MAST4: variants seen among roughly 807,000 people sequenced by gnomAD.
MAST4 encodes the protein microtubule associated serine/threonine kinase family member 4.
In MAST4, 89 loss-of-function variants were observed where a neutral mutation model predicts 162.7. That is an observed-to-expected ratio of 0.55 (90% CI 0.46 to 0.65). The LOEUF is 0.65. Ranked by LOEUF, MAST4 falls within the 30% of genes least tolerant of loss-of-function variation. MAST4 has a pLI of 0.00. For synonymous variants in MAST4, 1,479 were observed against 1,361.1 expected, an observed-to-expected ratio of 1.09 and a Z score of -1.91; for missense variants, 3,153 against 3,374.0, an observed-to-expected ratio of 0.93 and a Z score of 1.62.
chr5:67,068,696 G>C (rs1760541350), intron 5 of MAST4, among the ~76,000 whole-genome samples: 1 of 152,072 alleles, frequency 6.6e-6, no homozygotes, highest in Non-Finnish European at 1.5e-5. Flanking sequence ...AAGAAATACA[G>C]GCATTTTTTT....
intron 1 of MAST4, among the ~76,000 whole-genome samples, chr5:66,694,452 A>G (rs4699885): frequency 0.11 from 16,852 of 151,838 alleles, 1,022 homozygotes; most frequent in Admixed American, 0.16. Context: ...TCCTCTAATG[A>G]TCAGTGATGT....
chr5:66,664,400 A>C (rs1580138734), intron 1 of MAST4, among the ~76,000 whole-genome samples: 2 of 143,794 alleles, frequency 1.4e-5, no homozygotes, highest in Non-Finnish European at 3.0e-5. Context: ...GCACCATTGC[A>C]CTCCAGCCTG....
At position 67,163,206 on chromosome 5, in the gene MAST4, T is replaced by C. The variant is rs761845172; in HGVS notation, c.4027T>C (p.Ser1343Pro). 3.1e-6 allele frequency: 5 copies of C among 1,613,610 alleles called. No homozygotes were observed. The highest frequency in any genetic ancestry group is 1.1e-5 in the South Asian group (1 of 91,046). The change falls in exon 29 of 29, where the codon TCC (serine) becomes CCC (proline). Residue 1343 changes from serine (S) to proline (P), a missense_variant. Coordinates refer to ENST00000403625, the MANE Select transcript of MAST4 (RefSeq NM_001164664.2). The surrounding 1 kb of genome is among the most constrained non-coding windows in gnomAD (Gnocchi z 7.0). ...SSSAPNSPAG[S>P]GHIRPSTLHG... Reference sequence around the variant, plus strand: ...TAGTGCCCCCAATTCCCCAGCAGGGTCCGGGCACATCCGGCCCAGCACTCT... The same window carrying C: ...TAGTGCCCCCAATTCCCCAGCAGGGCCCGGGCACATCCGGCCCAGCACTCT...
At chr5:66,813,519 G>A (rs922708372) in intron 3 of MAST4, among the ~76,000 whole-genome samples, 2 of 152,140 alleles carry the variant, frequency 1.3e-5, no homozygotes, top group Non-Finnish European at 2.9e-5. Flanking sequence ...TGTACTTTTC[G>A]GCCATCTCTG....
chr5:66,959,869 T>A (rs905182847), intron 4 of MAST4, among the ~76,000 whole-genome samples: 4 of 152,130 alleles, frequency 2.6e-5, no homozygotes, highest in African/African-American at 9.7e-5. Context: ...CTGTTTTTTT[T>A]TTTAACCCAT....
intron 3 of MAST4, among the ~76,000 whole-genome samples, chr5:66,807,439 T>A (rs923828434): frequency 1.3e-5 from 2 of 150,046 alleles, no homozygotes; most frequent in African/African-American, 4.9e-5. Flanking sequence ...GAGCTTGCAG[T>A]GAGCTGAGAT....
At chr5:66,942,743 G>T (rs1313938878) in intron 4 of MAST4, among the ~76,000 whole-genome samples, 1 of 152,132 alleles carries the variant, frequency 6.6e-6, no homozygotes, top group Admixed American at 6.6e-5. Flanking sequence ...TTGAATAAGG[G>T]TAGTTATGTC....
At chr5:66,658,213 T>C (rs893426399) in intron 1 of MAST4, among the ~76,000 whole-genome samples, 2 of 152,208 alleles carry the variant, frequency 1.3e-5, no homozygotes, top group African/African-American at 4.8e-5. Context: ...AAAATTTGCA[T>C]CATAAAAATA....
At chr5:66,709,843 G>A (rs768675995) in intron 1 of MAST4, among the ~76,000 whole-genome samples, 6 of 152,252 alleles carry the variant, frequency 3.9e-5, no homozygotes, top group South Asian at 4.1e-4. Context: ...TGGCACCTGT[G>A]GATATTAGGG....
At chr5:66,939,289 A>C (rs1469652851) in intron 4 of MAST4, among the ~76,000 whole-genome samples, 1 of 152,194 alleles carries the variant, frequency 6.6e-6, no homozygotes, top group African/African-American at 2.4e-5. Context: ...CAGGATTAGT[A>C]AACTGGAAAA....
At chr5:67,047,595 G>T (rs1757537418) in intron 4 of MAST4, among the ~76,000 whole-genome samples, 1 of 152,250 alleles carries the variant, frequency 6.6e-6, no homozygotes, top group South Asian at 2.1e-4. Flanking sequence ...TTACAAATTT[G>T]TTATGTTCAT....
chr5:67,001,885 T>TGAA (rs1350500871), intron 4 of MAST4: 1 of 152,240 alleles, frequency 6.6e-6, no homozygotes, highest in Non-Finnish European at 1.5e-5. Context: ...TTCTCATAGT[T>TGAA]TCACATAGCT....
chr5:67,071,126 T>C (rs879708654), intron 5 of MAST4, among the ~76,000 whole-genome samples: 1 of 152,134 alleles, frequency 6.6e-6, no homozygotes, highest in Admixed American at 6.5e-5. Flanking sequence ...CTTTGATAAG[T>C]TGGTTAACAG....
In MAST4 at chr5:66,681,839, A is replaced by T. The variant is rs554568205; in HGVS notation, c.364-77870A>T. Among the ~76,000 whole-genome samples, 7 of 152,156 alleles carry T rather than the reference A, an allele frequency of 4.6e-5. 1 individual carries two copies. The highest frequency in any genetic ancestry group is 6.8e-3 in the Middle Eastern group (2 of 294). ...TAAACAACAAACATTTTTAATTGTC[A>T]TTGTTTTTCTGCACATCTTTCCTCT... On this transcript the variant is annotated intron_variant, in intron 1 of 28. Coordinates refer to ENST00000403625, the MANE Select transcript of MAST4 (RefSeq NM_001164664.2).
chr5:67,102,228 A>ATAC (rs1240381413), intron 8 of MAST4, among the ~76,000 whole-genome samples: 1 of 152,174 alleles, frequency 6.6e-6, no homozygotes, highest in Non-Finnish European at 1.5e-5. Flanking sequence ...ATGCAAGCTC[A>ATAC]TACTACATGC....
At chr5:66,880,765 A>G (rs968323189) in intron 3 of MAST4, among the ~76,000 whole-genome samples, 1 of 152,238 alleles carries the variant, frequency 6.6e-6, no homozygotes, top group African/African-American at 2.4e-5. Context: ...GCTTTGTATA[A>G]GGTATGATAG....
chr5:66,714,669 T>G (rs1358893719), intron 1 of MAST4, among the ~76,000 whole-genome samples: 1 of 152,236 alleles, frequency 6.6e-6, no homozygotes, highest in Non-Finnish European at 1.5e-5. Context: ...TACCTACAAC[T>G]TTCTTCCATA....
intron 2 of MAST4, among the ~76,000 whole-genome samples, chr5:66,780,544 G>A (rs957685504): frequency 5.3e-5 from 8 of 152,176 alleles, no homozygotes; most frequent in Admixed American, 3.9e-4. Flanking sequence ...AAGGTCGTGC[G>A]GACCCAAAGA....
intron 3 of MAST4, among the ~76,000 whole-genome samples, chr5:66,808,796 G>A (rs1756332051): frequency 1.3e-5 from 2 of 152,126 alleles, no homozygotes; most frequent in African/African-American, 2.4e-5. Context: ...TGGTGGAATC[G>A]TGTTCAGGTG....
Sources: gnomAD v4.1 joint callset for allele counts (sites outside exome capture counted in the v4.1 genomes callset) on GRCh38, gnomAD v4.1.1 for gene constraint, Gnocchi (gnomAD v3.1) non-coding constraint, MANE v1.5 for transcripts, NCBI Gene and HGNC (gene_info 2026-07-23, HGNC 2026-07-21) for gene names.